The following ASPH variants were observed in gnomAD, a reference collection of about 807,000 sequenced individuals.
ASPH encodes aspartate beta-hydroxylase.
ASPH carries 100 observed loss-of-function variants against 118.4 expected under a neutral mutation model. The observed-to-expected ratio is 0.84, with a 90% CI of 0.72 to 1.00. ASPH has a LOEUF of 1.00. ASPH is among the 50% of genes least tolerant of loss of function. ASPH has a pLI of 0.00. For synonymous variants in ASPH, 315 were observed against 325.6 expected, an observed-to-expected ratio of 0.97 and a Z score of 0.35; for missense variants, 920 against 919.5, an observed-to-expected ratio of 1.00 and a Z score of -0.01.
At chr8:61,574,783 G>A (rs577305755) in intron 16 of ASPH, among the ~76,000 whole-genome samples, 3 of 152,040 alleles carry the variant, frequency 2.0e-5, no homozygotes, top group Admixed American at 6.6e-5. Context: ...ACCATGGCAC[G>A]TGTATACCTA....
At chr8:61,660,385 A>G (rs1167016387) in intron 3 of ASPH, 1 of 152,206 alleles carries the variant, frequency 6.6e-6, no homozygotes, top group African/African-American at 2.4e-5. Context: ...TGGTAAAAAC[A>G]CACTAACTTC....
intron 22 of ASPH, among the ~76,000 whole-genome samples, chr8:61,523,137 TCTCAATGTGG>T (rs1259221538): frequency 6.6e-6 from 1 of 152,050 alleles, no homozygotes; most frequent in Non-Finnish European, 1.5e-5. Flanking sequence ...GAATCTGAGT[TCTCAATGTGG>T]CTAAGCAAAC....
chr8:61,558,929 G>A lies in ASPH; in HGVS notation c.1438-2907C>T, dbSNP rs558386953. On this transcript the variant is annotated intron_variant, in intron 18 of 24. Coordinates refer to ENST00000379454, the MANE Select transcript of ASPH (RefSeq NM_004318.4). ...CCCCCTCATCCTCCTCCTCTTCCTC[G>A]GCCTAGTTAAGGTGAAAACAGTGAG... Among the ~76,000 whole-genome samples, 24 of 152,052 alleles carry A rather than the reference G, an allele frequency of 1.6e-4. 1 individual carries two copies. Among genetic ancestry groups the A allele is most frequent in the Admixed American group, 1.5e-3 (23 of 15,288 alleles).
At chr8:61,614,670 T>G (rs1848474414) in intron 14 of ASPH, among the ~76,000 whole-genome samples, 1 of 152,002 alleles carries the variant, frequency 6.6e-6, no homozygotes. Flanking sequence ...GTTGTTGTTG[T>G]TTGTTGAGAC....
intron 22 of ASPH, among the ~76,000 whole-genome samples, chr8:61,523,263 T>C (rs1471078933): frequency 6.6e-6 from 1 of 151,920 alleles, no homozygotes; most frequent in South Asian, 2.1e-4. Context: ...GCCATCCTGC[T>C]TCAGCATAAG....
At chr8:61,591,021 C>T (rs891532922) in intron 14 of ASPH, among the ~76,000 whole-genome samples, 7 of 152,202 alleles carry the variant, frequency 4.6e-5, no homozygotes, top group East Asian at 3.9e-4. Flanking sequence ...TTCATGCTGG[C>T]GGTATATACA....
intron 13 of ASPH, chr8:61,625,546 G>T (rs1852451357): frequency 1.0e-6 from 1 of 984,920 alleles, no homozygotes. Flanking sequence ...TAATAGTAGG[G>T]CCATTCTTTT....
intron 3 of ASPH, among the ~76,000 whole-genome samples, chr8:61,667,402 T>A (rs1415310502): frequency 6.6e-6 from 1 of 152,184 alleles, no homozygotes; most frequent in Admixed American, 6.5e-5. Context: ...AGTCTCACTC[T>A]GTTGCCCAGG....
chr8:61,613,777 C>T (rs777841465), intron 14 of ASPH, among the ~76,000 whole-genome samples: 16 of 152,074 alleles, frequency 1.1e-4, no homozygotes, highest in Non-Finnish European at 1.9e-4. Context: ...TCCTGAGATG[C>T]GTCATGTGCT....
Position 61,638,373 on chromosome 8 carries a change from A to C in ASPH, c.791-10T>G. The C allele has an allele frequency of 6.4e-7, 1 of 1,571,368 alleles. No individual in the cohort carries two copies. On this transcript the variant is annotated splice_polypyrimidine_tract_variant and intron_variant, in intron 10 of 24. Transcript: ENST00000379454. Reference sequence around the variant, plus strand: ...AGAGGTTCATATACTGCTAAAAAAAAAAAAACAGAAACAAAATCCCGTAAC... The same window carrying C: ...AGAGGTTCATATACTGCTAAAAAAACAAAAACAGAAACAAAATCCCGTAAC...
intron 16 of ASPH, among the ~76,000 whole-genome samples, chr8:61,575,854 A>T (rs1315905642): frequency 6.6e-6 from 1 of 152,192 alleles, no homozygotes; most frequent in African/African-American, 2.4e-5. Context: ...TCTCAGGGCC[A>T]GGTACCACCC....
At chr8:61,556,118 C>T in intron 18 of ASPH, 96 bp from the exon 19 acceptor site, 3 of 957,990 alleles carry the variant, frequency 3.1e-6, no homozygotes, top group Non-Finnish European at 4.8e-6. Flanking sequence ...TTTTAATTAG[C>T]TTTGTTGTAC....
In ASPH at chr8:61,500,966, A is replaced by AATG. The variant is rs1804787918; in HGVS notation, c.*2390_*2392dup. ...ACATCATCTCTTTCTCAATGGATCTAATGTTTTAATTTTTTCCCCTATTGG... is the reference window on the plus strand; with the variant it reads ...ACATCATCTCTTTCTCAATGGATCTAATGATGTTTTAATTTTTTCCCCTATTGG... On this transcript the variant is annotated 3_prime_UTR_variant, in exon 25 of 25. Transcript: ENST00000379454. 6.6e-6 allele frequency: 1 copy of AATG among 152,210 alleles called. No homozygotes were observed. The highest frequency in any genetic ancestry group is 2.4e-5 in the African/African-American group (1 of 41,458). 9.4% of individuals were successfully genotyped at this position (152,210 alleles called of 1,614,324 possible).
intron 3 of ASPH, among the ~76,000 whole-genome samples, chr8:61,669,314 C>T (rs1821248763): frequency 6.6e-6 from 1 of 152,140 alleles, no homozygotes; most frequent in African/African-American, 2.4e-5. Context: ...TTGAGGTCAT[C>T]CATTCGAGAA....
chr8:61,539,290 T>C (rs1586750079), intron 21 of ASPH, among the ~76,000 whole-genome samples: 1 of 152,146 alleles, frequency 6.6e-6, no homozygotes, highest in Non-Finnish European at 1.5e-5. Context: ...GCGGTAGTTT[T>C]CTGTATGGGT....
intron 14 of ASPH, among the ~76,000 whole-genome samples, chr8:61,605,544 C>T (rs893412428): frequency 4.6e-5 from 7 of 152,176 alleles, no homozygotes; most frequent in Admixed American, 2.6e-4. Context: ...GTCAAGAACC[C>T]TTTCTACTGT....
chr8:61,679,140 G>T (rs1406582051), intron 3 of ASPH, among the ~76,000 whole-genome samples: 1 of 152,090 alleles, frequency 6.6e-6, no homozygotes, highest in Non-Finnish European at 1.5e-5. Flanking sequence ...TTCACCTTTG[G>T]TTTGTTTCAT....
intron 13 of ASPH, among the ~76,000 whole-genome samples, chr8:61,621,445 AC>A (rs1207738368): frequency 6.6e-6 from 1 of 152,132 alleles, no homozygotes; most frequent in Non-Finnish European, 1.5e-5. Flanking sequence ...GATTCAGCTT[AC>A]CCCACTAGCA....
chr8:61,618,707 AG>A lies in ASPH; in HGVS notation c.976+270del, dbSNP rs1253934457. Among the ~76,000 whole-genome samples the A allele has an allele frequency of 3.9e-5, 6 of 152,356 alleles. No individual in the cohort carries two copies. In the East Asian group the frequency reaches 1.2e-3, roughly 29 times the overall value. ...TCCTACGTTACAGAAGAGAAAACTG[AG>A]GCACAAAAGTTAAGTATTTTTCCCA... is the stretch of plus-strand genomic sequence containing the variant. On this transcript the variant is annotated intron_variant, in intron 14 of 24. Transcript: ENST00000379454.
Sources: gnomAD v4.1 joint callset for allele counts (sites outside exome capture counted in the v4.1 genomes callset) on GRCh38, gnomAD v4.1.1 for gene constraint, MANE v1.5 for transcripts, NCBI Gene and HGNC (gene_info 2026-07-23, HGNC 2026-07-21) for gene names.